SETX: variants seen among roughly 807,000 people sequenced by gnomAD.
The protein encoded by SETX is senataxin, also known as helicase senataxin.
A neutral mutation model predicts 227.2 loss-of-function variants in SETX; 90 were observed. That is an observed-to-expected ratio of 0.40 (90% confidence interval 0.33 to 0.47). The LOEUF (loss-of-function observed/expected upper bound fraction) is 0.47. Among genes scored for constraint, SETX ranks in the 20% least tolerant of loss-of-function variants. SETX has a pLI of 0.91. For missense variants in SETX, 3,052 were observed against 3,181.5 expected (o/e 0.96, Z 0.98); for synonymous variants, 1,210 against 1,113.2 (o/e 1.09, Z -1.73).
chr9:132,313,208 C>T (rs1177533628), intron 10 of SETX, among the ~76,000 whole-genome samples: 1 of 152,002 alleles, frequency 6.6e-6, no homozygotes, highest in African/African-American at 2.4e-5. Flanking sequence ...CAATTATACA[C>T]CTTAAAAGGG....
chr9:132,346,535 G>T, intron 3 of SETX, 64 bp from the exon 4 acceptor site: 1 of 1,166,542 alleles, frequency 8.6e-7, no homozygotes, highest in Non-Finnish European at 1.3e-6. Flanking sequence ...CACTGAATGT[G>T]ACGACCTAGA....
intron 2 of SETX, among the ~76,000 whole-genome samples, chr9:132,350,642 T>C (rs1281776388): frequency 6.6e-6 from 1 of 152,230 alleles, no homozygotes; most frequent in Admixed American, 6.5e-5. Flanking sequence ...CATTGTCATA[T>C]GAATTGATTT....
rs1032816797 is a variant in SETX at position 132,349,262 on chromosome 9, A to G, written c.167T>C (p.Phe56Ser). The G allele has an allele frequency of 5.6e-6, 9 of 1,613,978 alleles. No individual in the cohort carries two copies. The highest frequency in any genetic ancestry group is 6.8e-6 in the Non-Finnish European group (8 of 1,180,040). Reference sequence around the variant, plus strand: ...TCTAATATATTTTACCTCATGCAAGAATGGCAATTCATCTCTTGCTTTGTG... The same window carrying G: ...TCTAATATATTTTACCTCATGCAAGGATGGCAATTCATCTCTTGCTTTGTG... ...EYHKARDELP[F>S]LHEVLWELET... Residue 56 changes from phenylalanine (F) to serine (S), a missense_variant, in exon 3 of 26, where the codon TTC becomes TCC. Phe to Ser is a radical substitution (Grantham distance 155, BLOSUM62 -2). Coordinates refer to ENST00000224140, the MANE Select transcript of SETX (RefSeq NM_015046.7).
chr9:132,355,220 A>G (rs1360468908), upstream of SETX, among the ~76,000 whole-genome samples: 1 of 151,782 alleles, frequency 6.6e-6, no homozygotes, highest in African/African-American at 2.4e-5. Flanking sequence ...GTGGACGGGG[A>G]GAGTTTGCCG....
chr9:132,271,929 C>A, intron 23 of SETX, 121 bp from the exon 24 acceptor site: 1 of 778,362 alleles, frequency 1.3e-6, no homozygotes, highest in Non-Finnish European at 2.1e-6. Context: ...GTCGCCCAGG[C>A]TGGAGTGCAG....
intron 18 of SETX, among the ~76,000 whole-genome samples, chr9:132,284,202 A>G (rs1172067370): frequency 6.6e-6 from 1 of 152,216 alleles, no homozygotes; most frequent in Non-Finnish European, 1.5e-5. Context: ...CCACCTAGTG[A>G]GTACAACTGC....
intron 6 of SETX, among the ~76,000 whole-genome samples, chr9:132,335,186 C>G (rs111642549): frequency 0.024 from 3,634 of 151,538 alleles, 73 homozygotes; most frequent in Non-Finnish European, 0.039. Flanking sequence ...GTCAGGAGAT[C>G]GAGACCATCC....
chr9:132,326,227 TG>T, intron 10 of SETX, 96 bp downstream of exon 10: 1 of 977,950 alleles, frequency 1.0e-6, no homozygotes, highest in Non-Finnish European at 1.6e-6. Flanking sequence ...CAACCACGCC[TG>T]GCTGATTTTT....
At chr9:132,342,050 A>C (rs1705141677) in intron 5 of SETX, among the ~76,000 whole-genome samples, 1 of 151,936 alleles carries the variant, frequency 6.6e-6, no homozygotes, top group Non-Finnish European at 1.5e-5. Flanking sequence ...TTTTTAAAAA[A>C]CGTAATTTTT....
In SETX at chr9:132,277,016, C is replaced by CAA. The variant is rs1806610078; in HGVS notation, c.6935+42_6935+43dup. 3 of 1,482,578 alleles carry CAA rather than the reference C, an allele frequency of 2.0e-6. No homozygotes were observed. In the Admixed American group the frequency reaches 5.0e-5, roughly 25 times the overall value. The allele number at this position is 1,482,578 out of a possible 1,614,324, so 91.8% of individuals were successfully genotyped here. A position where few individuals can be genotyped will look rare whatever the true frequency, so the allele number is the denominator to read the frequency against. On this transcript the variant is annotated intron_variant, in intron 22 of 25. Transcript: ENST00000224140. ...AGAAATATGAATGCAAATCATGTAA[C>CAA]AATTCTGGGACTATCAGAGGACTGA...
chr9:132,328,052 A>G lies in SETX; in HGVS notation c.3546T>C (p.Asn1182=). The change falls in exon 10 of 26, where the codon AAT becomes AAC. Residue 1182 remains asparagine (N), a synonymous_variant. Coordinates refer to ENST00000224140, the MANE Select transcript of SETX (RefSeq NM_015046.7). The part of the protein sequence containing the change: ...DPVRPSSSVR[N]EGQSDTNKRD... ...TCTTATTAGTATCAGACTGGCCCTCATTTCTGACAGAAGATGAAGGCCTCA... is the reference window on the plus strand; with the variant it reads ...TCTTATTAGTATCAGACTGGCCCTCGTTTCTGACAGAAGATGAAGGCCTCA... 6.2e-7 allele frequency: 1 copy of G among 1,614,166 alleles called. No individual in the cohort carries two copies. The highest frequency in any genetic ancestry group is 1.3e-5 in the African/African-American group (1 of 75,046).
At chr9:132,265,339 C>G (rs930887429) in intron 25 of SETX, among the ~76,000 whole-genome samples, 1 of 150,848 alleles carries the variant, frequency 6.6e-6, no homozygotes, top group Non-Finnish European at 1.5e-5. Flanking sequence ...CATTCTCCTG[C>G]CTCAACCTCC....
chr9:132,278,007 T>G lies in SETX; in HGVS notation c.6842+63A>C, dbSNP rs560373695. On this transcript the variant is annotated intron_variant, in intron 21 of 25. Coordinates refer to ENST00000224140, the MANE Select transcript of SETX (RefSeq NM_015046.7). The stretch of plus-strand genomic sequence containing the variant: ...CAAGACCTAAGACGACAGTAAAATG[T>G]CTATTCTTCATAAGTAGCTAAACTA... The G allele has an allele frequency of 3.4e-6, 5 of 1,467,032 alleles. No homozygotes were observed. In the East Asian group the frequency reaches 1.1e-4, roughly 33 times the overall value. 90.9% of individuals were successfully genotyped at this position (1,467,032 alleles called of 1,614,324 possible). A position where few individuals can be genotyped will look rare whatever the true frequency, so the allele number is the denominator to read the frequency against.
At chr9:132,278,437 CTTTTTTTTT>C (rs67558000) in intron 20 of SETX, among the ~76,000 whole-genome samples, 180 bp from the exon 21 acceptor site, 277 of 84,808 alleles carry the variant, frequency 3.3e-3, no homozygotes, top group African/African-American at 9.0e-3. Flanking sequence ...TGCCATGAAT[CTTTTTTTTT>C]TTTTTTTTTT....
At position 132,327,807 on chromosome 9, in the gene SETX, G is replaced by C; in HGVS notation, c.3791C>G (p.Thr1264Arg). The stretch of plus-strand genomic sequence containing the variant: ...CTTTGGCGGCACTATAGCAGGAGTT[G>C]TTCTACAACTTAGGTAATTTGAACT... Reference protein sequence around the residue: ...NRSSNYLSCRTTPAIVPPKKF... With the variant: ...NRSSNYLSCRRTPAIVPPKKF... The change falls in exon 10 of 26, where the codon ACA (threonine) becomes AGA (arginine). Residue 1264 changes from threonine to arginine, a missense_variant. Around this residue, in one of 10 missense-constraint regions of SETX, gnomAD observed 1,483 missense variants for 1,312.0 expected, o/e 1.13. Transcript: ENST00000224140. 1 of 1,614,160 alleles carries C rather than the reference G, an allele frequency of 6.2e-7. No homozygotes were observed. The highest frequency in any genetic ancestry group is 8.5e-7 in the Non-Finnish European group (1 of 1,180,016).
intron 2 of SETX, 75 bp from the exon 3 acceptor site, chr9:132,349,510 C>G: frequency 7.0e-7 from 1 of 1,437,368 alleles, no homozygotes; most frequent in Non-Finnish European, 9.7e-7. Flanking sequence ...GGTACACTTT[C>G]AACTTGTGAC....
intron 19 of SETX, among the ~76,000 whole-genome samples, chr9:132,282,189 A>G (rs1301529149): frequency 6.6e-6 from 1 of 151,828 alleles, no homozygotes; most frequent in Non-Finnish European, 1.5e-5. Flanking sequence ...AAGGCCATGC[A>G]CATCCTAGAT....
chr9:132,284,268 T>G (rs747609863), intron 18 of SETX, among the ~76,000 whole-genome samples: 3 of 152,234 alleles, frequency 2.0e-5, no homozygotes, highest in Non-Finnish European at 2.9e-5. Context: ...AAAACATCTG[T>G]GAAGATGGAC....
chr9:132,344,847 C>T (rs564450773), intron 4 of SETX, among the ~76,000 whole-genome samples: 1 of 142,034 alleles, frequency 7.0e-6, no homozygotes, highest in Non-Finnish European at 1.5e-5. Context: ...TGCACTCCAG[C>T]CTGGGCGACA....
Sources: gnomAD v4.1 joint callset for allele counts (sites outside exome capture counted in the v4.1 genomes callset) on GRCh38, gnomAD v4.1.1 for gene constraint, gnomAD v4.1.1 regional missense constraint, MANE v1.5 for transcripts, NCBI Gene and HGNC (gene_info 2026-07-23, HGNC 2026-07-21) for gene names.